EFCAB7: variants seen among roughly 807,000 people sequenced by gnomAD.
EFCAB7 encodes EF-hand calcium-binding domain-containing protein 7.
In EFCAB7, 66 loss-of-function variants were observed where a neutral mutation model predicts 77.1. The ratio of observed to expected loss-of-function variants is 0.86; its 90% CI spans 0.70 to 1.05. EFCAB7 has a LOEUF of 1.05. EFCAB7 is among the 50% of genes least tolerant of loss of function. EFCAB7 has a pLI of 0.00. For missense variants in EFCAB7, 638 were observed against 730.5 expected, an observed-to-expected ratio of 0.87 and a Z score of 1.46; for synonymous variants, 225 against 243.3, an observed-to-expected ratio of 0.92 and a Z score of 0.70.
intron 11 of EFCAB7, among the ~76,000 whole-genome samples, chr1:63,567,979 C>T (rs1310747925): frequency 6.6e-6 from 1 of 152,092 alleles, no homozygotes; most frequent in Non-Finnish European, 1.5e-5. Context: ...GTAACCCTCA[C>T]TTTAGAAAAG....
At chr1:63,574,568 C>T (rs1396791291), downstream of EFCAB7, among the ~76,000 whole-genome samples, 1 of 152,120 alleles carries the variant, frequency 6.6e-6, no homozygotes. Flanking sequence ...GATCTGATGC[C>T]TTTTGATGGC....
At chr1:63,559,564 C>T (rs534450324) in intron 10 of EFCAB7, among the ~76,000 whole-genome samples, 6 of 152,138 alleles carry the variant, frequency 3.9e-5, no homozygotes, top group East Asian at 1.9e-4. Flanking sequence ...CAGGCTCAAG[C>T]GATCCTCTCA....
At chr1:63,525,910 C>A (rs1646580956) in intron 2 of EFCAB7, 151 bp downstream of exon 2, 1 of 541,168 alleles carries the variant, frequency 1.8e-6, no homozygotes, top group Non-Finnish European at 3.2e-6. Flanking sequence ...TATGTCATAT[C>A]ATATAGTTAC....
intron 1 of EFCAB7, among the ~76,000 whole-genome samples, 156 bp downstream of exon 1, chr1:63,523,790 G>A (rs1351949693): frequency 2.0e-5 from 3 of 152,146 alleles, no homozygotes; most frequent in Non-Finnish European, 4.4e-5. Flanking sequence ...ATTTCCAGAG[G>A]AATACAAAAA....
chr1:63,544,601 C>T (rs1288509700), intron 6 of EFCAB7, among the ~76,000 whole-genome samples: 7 of 151,608 alleles, frequency 4.6e-5, no homozygotes, highest in African/African-American at 1.5e-4. Flanking sequence ...TTAGTAAAGA[C>T]GGGGTTTCAC....
chr1:63,538,221 A>T (rs1646785796), intron 6 of EFCAB7, among the ~76,000 whole-genome samples: 1 of 152,184 alleles, frequency 6.6e-6, no homozygotes. Context: ...TATATCATAC[A>T]TGGAATTTCT....
At chr1:63,538,983 A>G (rs1380573271) in intron 6 of EFCAB7, among the ~76,000 whole-genome samples, 1 of 152,208 alleles carries the variant, frequency 6.6e-6, no homozygotes, top group Non-Finnish European at 1.5e-5. Context: ...ATCCATATTT[A>G]ATGTTATAGT....
chr1:63,525,427 T>G (rs1250427850), intron 1 of EFCAB7, 145 bp from the exon 2 acceptor site: 1 of 575,870 alleles, frequency 1.7e-6, no homozygotes, highest in Non-Finnish European at 2.8e-6. Context: ...ATAAAACTTT[T>G]AATATCTTGA....
chr1:63,541,745 T>C (rs2100887915), intron 6 of EFCAB7, among the ~76,000 whole-genome samples: 1 of 152,070 alleles, frequency 6.6e-6, no homozygotes, highest in South Asian at 2.1e-4. Context: ...GTATTTTTAG[T>C]AGAGATGGGG....
the EFCAB7 span, among the ~76,000 whole-genome samples, chr1:63,581,078 T>C: frequency 6.6e-6 from 1 of 152,190 alleles, no homozygotes; most frequent in South Asian, 2.1e-4. Context: ...TCTTGCCTTA[T>C]TGCATTGGCT....
the EFCAB7 span, among the ~76,000 whole-genome samples, chr1:63,582,546 C>T: frequency 1.3e-5 from 2 of 152,168 alleles, no homozygotes; most frequent in Admixed American, 6.5e-5. Context: ...ATAAGGAAGT[C>T]ATACCTGTAA....
At chr1:63,559,301 C>CAAAAAAAAAA (rs71052490) in intron 10 of EFCAB7, among the ~76,000 whole-genome samples, 5 of 62,230 alleles carry the variant, frequency 8.0e-5, no homozygotes, top group Non-Finnish European at 8.8e-5. Context: ...GACTCTGTCT[C>CAAAAAAAAAA]AAAAAAAAAA....
At chr1:63,575,377 A>G (rs1270567657), downstream of EFCAB7, among the ~76,000 whole-genome samples, 1 of 151,322 alleles carries the variant, frequency 6.6e-6, no homozygotes, top group Admixed American at 6.6e-5. Context: ...AACTTAATAT[A>G]TTATATACTA....
Position 63,555,212 on chromosome 1 carries a change from A to G in EFCAB7, c.1057-146A>G, listed in dbSNP as rs1192169120. 4 of 861,818 alleles carry G rather than the reference A, an allele frequency of 4.6e-6. No individual in the cohort carries two copies. In the East Asian group the frequency reaches 1.1e-4, roughly 24 times the overall value. The allele number at this position is 861,818 out of a possible 1,614,324, so 53.4% of individuals were successfully genotyped here. ...AAAAGAATTTGAAACCTGTAAAAAG[A>G]CTGATAGGACTATAATAGAATTTGT... On this transcript the variant is annotated intron_variant, in intron 8 of 13. Transcript: ENST00000371088.
chr1:63,546,827 C>T (rs1386534353), intron 7 of EFCAB7, among the ~76,000 whole-genome samples: 2 of 152,050 alleles, frequency 1.3e-5, no homozygotes, highest in East Asian at 1.9e-4. Flanking sequence ...GTGACTTAGA[C>T]AATATTTATT....
At chr1:63,555,165 CAT>C in intron 8 of EFCAB7, 191 bp from the exon 9 acceptor site, 1 of 484,196 alleles carries the variant, frequency 2.1e-6, no homozygotes, top group South Asian at 4.6e-5. Context: ...CTAATGATCT[CAT>C]AATGGGATTA....
intron 7 of EFCAB7, chr1:63,549,125 C>T: frequency 7.0e-6 from 2 of 283,832 alleles, no homozygotes; most frequent in South Asian, 7.0e-5. Context: ...CCAAGGCTGG[C>T]GCAGTCGGTT....
chr1:63,527,985 G>A (rs1174395918), intron 2 of EFCAB7: 2 of 152,146 alleles, frequency 1.3e-5, no homozygotes, highest in Non-Finnish European at 2.9e-5. Context: ...TGGTAGGAAT[G>A]TATATTAGTA....
In EFCAB7 at chr1:63,546,369, CT is replaced by C. The variant is rs937175159; in HGVS notation, c.946+325del. On this transcript the variant is annotated intron_variant, in intron 7 of 13. Coordinates refer to ENST00000371088, the MANE Select transcript of EFCAB7 (RefSeq NM_032437.4). ...TGGTTTCCTCATGATATAGAACTAA[CT>C]TTTTTTTTTTTTGAGACGGAGTCTC... Among the ~76,000 whole-genome samples the C allele has an allele frequency of 1.8e-3, 267 of 145,978 alleles. 2 individuals carry two copies. The highest frequency in any genetic ancestry group is 2.5e-3 in the Admixed American group (37 of 14,560).
Sources: allele counts gnomAD v4.1 joint callset (sites outside exome capture counted in the v4.1 genomes callset), GRCh38; gene constraint gnomAD v4.1.1; transcripts MANE v1.5; gene names NCBI Gene and HGNC (gene_info 2026-07-23, HGNC 2026-07-21).